The following KLHL24 variants were observed in gnomAD, a reference collection of about 807,000 sequenced individuals.
KLHL24 encodes kelch-like protein 24.
A neutral mutation model predicts 53.4 loss-of-function variants in KLHL24; 29 were observed. The observed-to-expected ratio is 0.54, with a 90% CI of 0.40 to 0.74. The LOEUF (loss-of-function observed/expected upper bound fraction) is 0.74, where lower values mean the gene tolerates loss of function less well. Among genes scored for constraint, KLHL24 ranks in the 30% least tolerant of loss-of-function variants. KLHL24 has a pLI of 0.00. For synonymous variants in KLHL24, 222 were observed against 253.7 expected (o/e 0.88, Z 1.19); for missense variants, 504 against 744.0 (o/e 0.68, Z 3.75).
At chr3:183,656,534 G>A (rs1380771715) in intron 3 of KLHL24, among the ~76,000 whole-genome samples, 1 of 152,114 alleles carries the variant, frequency 6.6e-6, no homozygotes, top group Non-Finnish European at 1.5e-5. Context: ...AATTAATATG[G>A]TAGCTAACTT....
chr3:183,652,109 A>G (rs1168491998), intron 3 of KLHL24, among the ~76,000 whole-genome samples: 2 of 152,228 alleles, frequency 1.3e-5, no homozygotes, highest in Non-Finnish European at 2.9e-5. Context: ...CAGTTATTAT[A>G]TTTAATGTCA....
chr3:183,674,243 T>TTTTCTTTCTTTC (rs370677824), intron 7 of KLHL24, among the ~76,000 whole-genome samples: 7,828 of 131,014 alleles, frequency 0.06, 313 homozygotes, highest in Middle Eastern at 0.076. Flanking sequence ...TTAGCATCAA[T>TTTTCTTTCTTTC]TTTCTTTCTT....
At chr3:183,674,245 TTCTTTCTTTC>T (rs1342198443) in intron 7 of KLHL24, among the ~76,000 whole-genome samples, 14 of 88,250 alleles carry the variant, frequency 1.6e-4, no homozygotes, top group African/African-American at 6.3e-4. Flanking sequence ...AGCATCAATT[TTCTTTCTTTC>T]TTTCTTTCTT....
intron 5 of KLHL24, among the ~76,000 whole-genome samples, chr3:183,665,402 T>C (rs1576951686): frequency 1.3e-5 from 2 of 152,212 alleles, no homozygotes; most frequent in East Asian, 1.9e-4. Context: ...GGCAGAGATA[T>C]ATTTGTCCAA....
chr3:183,674,013 C>T (rs1360123221), intron 7 of KLHL24, among the ~76,000 whole-genome samples: 1 of 152,130 alleles, frequency 6.6e-6, no homozygotes, highest in East Asian at 1.9e-4. Flanking sequence ...ACCTTCTTCC[C>T]CAAACCTGTT....
chr3:183,652,654 GT>G (rs1384120994), intron 3 of KLHL24, among the ~76,000 whole-genome samples: 1 of 152,026 alleles, frequency 6.6e-6, no homozygotes, highest in Non-Finnish European at 1.5e-5. Context: ...GACTATCATT[GT>G]TTCGGAATGT....
At chr3:183,665,185 A>C (rs1720355676) in intron 5 of KLHL24, 146 bp downstream of exon 5, 1 of 574,604 alleles carries the variant, frequency 1.7e-6, no homozygotes, top group African/African-American at 1.9e-5. Context: ...TAAACCAAAG[A>C]TATAAACAAT....
In KLHL24 at chr3:183,664,911, G is replaced by A. The variant is rs772863960; in HGVS notation, c.1106-10G>A. On this transcript the variant is annotated splice_polypyrimidine_tract_variant and intron_variant, in intron 4 of 7. Coordinates refer to ENST00000242810, the MANE Select transcript of KLHL24 (RefSeq NM_017644.3). Reference sequence around the variant, plus strand: ...TAAATTATCGTGTGTGCATTGTTTTGCATTTCAAGGTGGAAGAATCAACAG... The same window carrying A: ...TAAATTATCGTGTGTGCATTGTTTTACATTTCAAGGTGGAAGAATCAACAG... The A allele has an allele frequency of 1.3e-6, 2 of 1,523,876 alleles. No homozygotes were observed. The highest frequency in any genetic ancestry group is 1.7e-5 in the Admixed American group (1 of 59,302). The allele number at this position is 1,523,876 out of a possible 1,614,324, so 94.4% of individuals were successfully genotyped here.
chr3:183,658,387 AC>A (rs1719218316), intron 3 of KLHL24, among the ~76,000 whole-genome samples: 1 of 152,142 alleles, frequency 6.6e-6, no homozygotes, highest in Non-Finnish European at 1.5e-5. Context: ...CTATTATAGA[AC>A]ATTTCAAACT....
intron 3 of KLHL24, among the ~76,000 whole-genome samples, chr3:183,659,765 G>A (rs889606600): frequency 6.6e-6 from 1 of 152,200 alleles, no homozygotes; most frequent in African/African-American, 2.4e-5. Flanking sequence ...CATATTACAA[G>A]TTCAGTCAGT....
At position 183,679,541 on chromosome 3, in the gene KLHL24, T is replaced by G. The variant is rs369805400; in HGVS notation, c.*255T>G. 2.4e-6 allele frequency: 1 copy of G among 414,534 alleles called. No homozygotes were observed. The highest frequency in any genetic ancestry group is 2.0e-5 in the African/African-American group (1 of 49,680). The allele number at this position is 414,534 out of a possible 1,614,324, so 25.7% of individuals were successfully genotyped here. A position where few individuals can be genotyped will look rare whatever the true frequency, so the allele number is the denominator to read the frequency against. ...TTTGAAGAGTGTACCTTTGTAAGTA[T>G]TTGTAAGAAGTCTATGTGAATTAGG... On this transcript the variant is annotated 3_prime_UTR_variant, in exon 8 of 8. Coordinates refer to ENST00000242810, the MANE Select transcript of KLHL24 (RefSeq NM_017644.3).
chr3:183,676,605 C>G (rs16857980), intron 7 of KLHL24, among the ~76,000 whole-genome samples: 10,313 of 151,970 alleles, frequency 0.068, 1,212 homozygotes, highest in African/African-American at 0.24. Context: ...CCTAATGGAC[C>G]CTGCCTATTT....
chr3:183,679,238 T>C lies in KLHL24; in HGVS notation c.1755T>C (p.His585=), dbSNP rs1261494031. 1 of 1,614,126 alleles carries C rather than the reference T, an allele frequency of 6.2e-7. No homozygotes were observed. The highest frequency in any genetic ancestry group is 8.5e-7 in the Non-Finnish European group (1 of 1,180,008). The change falls in exon 8 of 8, where the codon CAT becomes CAC. Residue 585 remains histidine, a synonymous_variant. Coordinates refer to ENST00000242810, the MANE Select transcript of KLHL24 (RefSeq NM_017644.3). ...CAATGCCCAGGCCAGTGTCCTATCA[T>C]GGCTGTGTGACTATTCATAGATACA... ...VAAMPRPVSY[H]GCVTIHRYNE...
At chr3:183,636,674 T>C (rs115633522) in intron 1 of KLHL24, 10,336 of 151,920 alleles carry the variant, frequency 0.068, 1,210 homozygotes, top group African/African-American at 0.24. Context: ...AGAGTTCGAG[T>C]TTTTATTGGC....
At chr3:183,640,081 C>T (rs1030482875) in intron 1 of KLHL24, among the ~76,000 whole-genome samples, 5 of 151,700 alleles carry the variant, frequency 3.3e-5, no homozygotes, top group Non-Finnish European at 7.4e-5. Flanking sequence ...TATCATATAT[C>T]TATAGGTGTT....
At chr3:183,640,673 C>T (rs1418729855) in intron 1 of KLHL24, among the ~76,000 whole-genome samples, 1 of 147,574 alleles carries the variant, frequency 6.8e-6, no homozygotes, top group Non-Finnish European at 1.5e-5. Flanking sequence ...CATCTTGGCT[C>T]ACTGCAACCT....
chr3:183,675,615 A>G (rs1576986192), intron 7 of KLHL24, among the ~76,000 whole-genome samples: 1 of 152,086 alleles, frequency 6.6e-6, no homozygotes, highest in East Asian at 1.9e-4. Flanking sequence ...TGAAGATTGT[A>G]AAGAATGATG....
intron 7 of KLHL24, among the ~76,000 whole-genome samples, chr3:183,673,591 C>T (rs1339760916): frequency 6.6e-6 from 1 of 152,150 alleles, no homozygotes; most frequent in East Asian, 1.9e-4. Context: ...ACTCCCTACC[C>T]ACACTGCCAC....
chr3:183,671,072 T>G lies in KLHL24; in HGVS notation c.1263T>G (p.Leu421=). Residue 421 remains leucine, a synonymous_variant, in exon 6 of 8, where the codon CTT becomes CTG. Transcript: ENST00000242810. ...VVGGYDGQNR[L]SSVECYDSFS... ...GTGGCTATGATGGGCAAAACAGACT[T>G]AGCAGCGTAGAATGTTATGATTCCT... is the stretch of plus-strand genomic sequence containing the variant. 1.2e-6 allele frequency: 2 copies of G among 1,614,104 alleles called. No homozygotes were observed. The highest frequency in any genetic ancestry group is 1.7e-6 in the Non-Finnish European group (2 of 1,179,972).
Sources: allele counts gnomAD v4.1 joint callset (sites outside exome capture counted in the v4.1 genomes callset), GRCh38; gene constraint gnomAD v4.1.1; transcripts MANE v1.5; gene names NCBI Gene and HGNC (gene_info 2026-07-23, HGNC 2026-07-21).